NAV3: variants seen among roughly 807,000 people sequenced by gnomAD.
NAV3 encodes the protein pore membrane and/or filament interacting like protein 1.
A neutral mutation model predicts 244.7 loss-of-function variants in NAV3; 87 were observed. The ratio of observed to expected loss-of-function variants is 0.36; its 90% CI spans 0.30 to 0.42. The LOEUF (loss-of-function observed/expected upper bound fraction) is 0.42. Among genes scored for constraint, NAV3 ranks in the 20% least tolerant of loss-of-function variants. The probability of loss-of-function intolerance (pLI) is 1.00; values close to 1 mark genes in which losing one functional copy is unlikely to be tolerated. For missense variants in NAV3, 2,663 were observed against 2,893.3 expected (o/e 0.92, Z 1.83); for synonymous variants, 1,126 against 1,042.2 (o/e 1.08, Z -1.55).
intron 2 of NAV3, among the ~76,000 whole-genome samples, chr12:77,662,088 G>T (rs1455692359): frequency 6.6e-6 from 1 of 151,714 alleles, no homozygotes; most frequent in Admixed American, 6.6e-5. Context: ...AATAATTTTT[G>T]CTGGGATTTT....
chr12:77,835,065 A>G (rs937103953), intron 1 of NAV3, among the ~76,000 whole-genome samples: 3 of 74,758 alleles, frequency 4.0e-5, no homozygotes, highest in Non-Finnish European at 9.0e-5. Context: ...TATGGCTGGT[A>G]GGGAGACTTC....
intron 15 of NAV3, 100 bp from the exon 16 acceptor site, chr12:78,121,840 A>T (rs1955681962): frequency 7.0e-7 from 1 of 1,438,298 alleles, no homozygotes; most frequent in Non-Finnish European, 9.5e-7. Flanking sequence ...GTAGTTCAGT[A>T]CATCAAAGCA....
chr12:78,049,349 A>G lies in NAV3; in HGVS notation c.2024-644A>G, dbSNP rs116376405. Among the ~76,000 whole-genome samples the G allele has an allele frequency of 6.3e-3, 958 of 152,240 alleles. 10 individuals are homozygous for G. The highest frequency in any genetic ancestry group is 0.02 in the African/African-American group (834 of 41,556). ...AGGCCCTTGGTGGTGTGGACACCCAATGGAATCTCCTGGTGTGCATGTTGT... is the reference window on the plus strand; with the variant it reads ...AGGCCCTTGGTGGTGTGGACACCCAGTGGAATCTCCTGGTGTGCATGTTGT... On this transcript the variant is annotated intron_variant, in intron 9 of 39. Coordinates refer to ENST00000397909, the MANE Select transcript of NAV3 (RefSeq NM_001024383.2).
At chr12:77,904,532 T>C (rs569975773) in intron 1 of NAV3, among the ~76,000 whole-genome samples, 121 of 152,222 alleles carry the variant, frequency 7.9e-4, no homozygotes, top group Middle Eastern at 6.8e-3. Flanking sequence ...TTAGGAGATA[T>C]ACCTAATGCT....
chr12:77,656,239 C>T (rs1181338370), intron 2 of NAV3, among the ~76,000 whole-genome samples: 1 of 139,364 alleles, frequency 7.2e-6, no homozygotes, highest in East Asian at 2.0e-4. Flanking sequence ...CACACATAGG[C>T]TCAAAATAAA....
intron 12 of NAV3, among the ~76,000 whole-genome samples, chr12:78,071,947 A>T (rs1270698866): frequency 6.6e-6 from 1 of 152,308 alleles, no homozygotes; most frequent in Middle Eastern, 3.4e-3. Flanking sequence ...TGGGTACATA[A>T]TGAAATGAAG....
At position 77,869,376 on chromosome 12, in the gene NAV3, AG is replaced by A. The variant is rs370899223; in HGVS notation, c.243+37673del. 3.6e-3 allele frequency among the ~76,000 whole-genome samples: 550 copies of A among 152,322 alleles called. 3 individuals carry two copies. Among genetic ancestry groups the A allele is most frequent in the African/African-American group, 0.013 (533 of 41,566 alleles). ...TTTGAATTGAAAAATGTGTTATGGA[AG>A]TAATAATTTTTACAAAACAAGGCAT... On this transcript the variant is annotated intron_variant, in intron 1 of 39. Coordinates refer to ENST00000397909, the MANE Select transcript of NAV3 (RefSeq NM_001024383.2).
intron 5 of NAV3, among the ~76,000 whole-genome samples, chr12:77,987,538 CT>C (rs1307180162): frequency 1.3e-5 from 2 of 152,014 alleles, no homozygotes; most frequent in Non-Finnish European, 2.9e-5. Flanking sequence ...AACAATTTCC[CT>C]TGTTTAGAAG....
At chr12:77,758,893 C>G (rs551448681) in intron 2 of NAV3, among the ~76,000 whole-genome samples, 1 of 152,168 alleles carries the variant, frequency 6.6e-6, no homozygotes, top group African/African-American at 2.4e-5. Flanking sequence ...ATTTAAGAGG[C>G]TAGGATTTTT....
upstream of NAV3, among the ~76,000 whole-genome samples, chr12:77,826,656 A>G (rs1022756602): frequency 4.9e-4 from 75 of 152,328 alleles, 2 homozygotes; most frequent in Admixed American, 2.0e-4. Context: ...TAAATCTCAA[A>G]AGCATTATGC....
At chr12:77,935,541 T>C (rs1889240864) in intron 1 of NAV3, among the ~76,000 whole-genome samples, 1 of 152,208 alleles carries the variant, frequency 6.6e-6, no homozygotes, top group African/African-American at 2.4e-5. Flanking sequence ...TTAATGGAAA[T>C]GTATTTCATA....
intron 2 of NAV3, among the ~76,000 whole-genome samples, chr12:77,637,879 G>A (rs760567968): frequency 2.0e-5 from 3 of 152,158 alleles, no homozygotes; most frequent in Non-Finnish European, 4.4e-5. Flanking sequence ...ACTGTGATAT[G>A]GCAGTCATGG....
Position 78,197,240 on chromosome 12 carries a change from T to C in NAV3, c.6292-7T>C, listed in dbSNP as rs1038942826. On this transcript the variant is annotated splice_polypyrimidine_tract_variant and splice_region_variant and intron_variant, in intron 34 of 39. Coordinates refer to ENST00000397909, the MANE Select transcript of NAV3 (RefSeq NM_001024383.2). ...CTGACGTATCTGTTTTCTTCATTTTTTAAAAGGAATTGCAACAATATCTAG... is the reference window on the plus strand; with the variant it reads ...CTGACGTATCTGTTTTCTTCATTTTCTAAAAGGAATTGCAACAATATCTAG... 3.3e-6 allele frequency: 5 copies of C among 1,514,250 alleles called. No individual in the cohort carries two copies. In the African/African-American group the frequency reaches 4.2e-5, roughly 13 times the overall value. 93.8% of individuals were successfully genotyped at this position (1,514,250 alleles called of 1,614,324 possible).
intron 38 of NAV3, among the ~76,000 whole-genome samples, chr12:78,202,800 G>T (rs1229478624): frequency 6.6e-6 from 1 of 152,020 alleles, no homozygotes; most frequent in Non-Finnish European, 1.5e-5. Context: ...TGAAGACTAT[G>T]CTGGGCCAGA....
chr12:77,719,617 A>G (rs1876519788), intron 2 of NAV3, among the ~76,000 whole-genome samples: 1 of 152,090 alleles, frequency 6.6e-6, no homozygotes, highest in Non-Finnish European at 1.5e-5. Flanking sequence ...CATATGTTCA[A>G]CCCACCTTGT....
chr12:77,755,296 A>G (rs1869077798), intron 2 of NAV3, among the ~76,000 whole-genome samples: 2 of 152,164 alleles, frequency 1.3e-5, no homozygotes, highest in African/African-American at 2.4e-5. Flanking sequence ...GGCTCTTGTA[A>G]GATATGAATG....
chr12:78,102,123 T>TCTCATCTGA (rs1343119626), intron 12 of NAV3, among the ~76,000 whole-genome samples: 1 of 152,114 alleles, frequency 6.6e-6, no homozygotes, highest in Non-Finnish European at 1.5e-5. Flanking sequence ...TAGTCCATAG[T>TCTCATCTGA]CTCATCTGAG....
chr12:77,821,000 C>G (rs887557328), intron 2 of NAV3, among the ~76,000 whole-genome samples: 1 of 151,978 alleles, frequency 6.6e-6, no homozygotes, highest in African/African-American at 2.4e-5. Flanking sequence ...AAAGAGGTAT[C>G]TAGCTGAATC....
At chr12:77,593,341 C>A (rs540985605) in intron 2 of NAV3, among the ~76,000 whole-genome samples, 134 of 151,644 alleles carry the variant, frequency 8.8e-4, no homozygotes, top group Non-Finnish European at 1.2e-3. Context: ...CTGATTACAA[C>A]TTATTTTTAA....
Sources: allele counts gnomAD v4.1 joint callset (sites outside exome capture counted in the v4.1 genomes callset), GRCh38; gene constraint gnomAD v4.1.1; transcripts MANE v1.5; gene names NCBI Gene and HGNC (gene_info 2026-07-23, HGNC 2026-07-21).